The following KEAP1 variants were observed in gnomAD, a reference collection of about 807,000 sequenced individuals.
The protein encoded by KEAP1 is kelch-like ECH-associated protein 1.
A neutral mutation model predicts 59.7 loss-of-function variants in KEAP1; 26 were observed. The ratio of observed to expected loss-of-function variants is 0.44; its 90% CI spans 0.32 to 0.60. The LOEUF is 0.60. Ranked by LOEUF, KEAP1 falls within the 20% of genes least tolerant of loss-of-function variation. KEAP1 has a pLI of 0.06. For missense variants in KEAP1, 539 were observed against 871.4 expected, an observed-to-expected ratio of 0.62 and a Z score of 4.80; for synonymous variants, 350 against 358.3, an observed-to-expected ratio of 0.98 and a Z score of 0.26.
At position 10,489,639 on chromosome 19, in the gene KEAP1, C is replaced by T. The variant is rs764882170; in HGVS notation, c.1531+9G>A. On this transcript the variant is annotated intron_variant, in intron 4 of 5. Transcript: ENST00000171111. ...CCTGGGTGCTCCCCTCCCTACCGTC[C>T]CCACCCACCTGCCCCGCTTCGGATG... The T allele has an allele frequency of 5.0e-6, 8 of 1,613,496 alleles. No individual in the cohort carries two copies. The highest frequency in any genetic ancestry group is 2.2e-5 in the East Asian group (1 of 44,884).
At position 10,500,060 on chromosome 19, in the gene KEAP1, C is replaced by G. The variant is rs1370775302; in HGVS notation, c.-27G>C. 6.5e-7 allele frequency: 1 copy of G among 1,527,462 alleles called. No individual in the cohort carries two copies. Among genetic ancestry groups the G allele is most frequent in the Non-Finnish European group, 8.8e-7 (1 of 1,137,460 alleles). The allele number at this position is 1,527,462 out of a possible 1,614,324, so 94.6% of individuals were successfully genotyped here. On this transcript the variant is annotated 5_prime_UTR_variant, in exon 2 of 6. Coordinates refer to ENST00000171111, the MANE Select transcript of KEAP1 (RefSeq NM_203500.2). ...GGGTTCCAGAAGATAAGCAACACCA[C>G]CACCTCTGGCACTCAGGGACCTGGA...
rs373114525 is a variant in KEAP1 at position 10,486,661 on chromosome 19, A to G, written c.1866T>C (p.Cys622=). 9.3e-6 allele frequency: 15 copies of G among 1,613,888 alleles called. No individual in the cohort carries two copies. Among genetic ancestry groups the G allele is most frequent in the Non-Finnish European group, 1.3e-5 (15 of 1,179,958 alleles). ...AAGAAACAAAAGTGCCTCAACAGGT[A>G]CAGTTCTGCTGGTCAATCTGCTTCC... ...PCRKQIDQQN[C]TC is the part of the protein sequence containing the mutation. The change falls in exon 6 of 6, where the codon TGT becomes TGC. Residue 622 remains cysteine (C), a synonymous_variant. Transcript: ENST00000171111.
Position 10,499,461 on chromosome 19 carries a change from A to C in KEAP1, c.573T>G (p.Ala191=). ...PSNAIGIANF[A]EQIGCVELHQ... Reference sequence around the variant, plus strand: ...GCAACTCCACACAGCCAATCTGCTCAGCGAAGTTGGCGATGCCGATGGCAT... The same window carrying C: ...GCAACTCCACACAGCCAATCTGCTCCGCGAAGTTGGCGATGCCGATGGCAT... The change falls in exon 2 of 6, where the codon GCT becomes GCG. Residue 191 remains alanine (A), a synonymous_variant. Transcript: ENST00000171111. This position sits in a 1 kb window ranked among gnomAD's most constrained non-coding sequence, Gnocchi z 6.7. The C allele has an allele frequency of 1.2e-6, 2 of 1,614,098 alleles. No individual in the cohort carries two copies. Among genetic ancestry groups the C allele is most frequent in the Non-Finnish European group, 1.7e-6 (2 of 1,180,016 alleles).
At position 10,499,661 on chromosome 19, in the gene KEAP1, T is replaced by G; in HGVS notation, c.373A>C (p.Ile125Leu). 6.2e-7 allele frequency: 1 copy of G among 1,614,100 alleles called. No individual in the cohort carries two copies. Among genetic ancestry groups the G allele is most frequent in the Non-Finnish European group, 8.5e-7 (1 of 1,180,028 alleles). Residue 125 changes from isoleucine to leucine, a missense_variant, in exon 2 of 6, where the codon ATT (isoleucine) becomes CTT (leucine). Around this residue, in one of 4 missense-constraint regions of KEAP1, gnomAD observed 166 missense variants for 295.8 expected, o/e 0.56. Coordinates refer to ENST00000171111, the MANE Select transcript of KEAP1 (RefSeq NM_203500.2). The surrounding 1 kb of genome is among the most constrained non-coding windows in gnomAD (Gnocchi z 6.7). ...LREQGMEVVS[I>L]EGIHPKVMER... ...ATGACCTTGGGGTGGATACCCTCAA[T>G]GGACACCACCTCCATGCCCTGCTCC...
At chr19:10,489,522 C>T (rs1003409543) in intron 4 of KEAP1, 126 bp downstream of exon 4, 1 of 1,289,130 alleles carries the variant, frequency 7.8e-7, no homozygotes, top group Non-Finnish European at 1.1e-6. Flanking sequence ...TATCAGAATC[C>T]AGGGCTTCTG....
At chr19:10,489,114 A>C in intron 5 of KEAP1, 78 bp downstream of exon 5, 1 of 1,126,484 alleles carries the variant, frequency 8.9e-7, no homozygotes, top group East Asian at 2.6e-5. Flanking sequence ...AAAAAAAAAA[A>C]AAAAAAGGAA....
intron 2 of KEAP1, among the ~76,000 whole-genome samples, chr19:10,496,231 C>G (rs1914843032): frequency 6.6e-6 from 1 of 150,468 alleles, no homozygotes; most frequent in South Asian, 2.1e-4. Flanking sequence ...TGCGGTGGCT[C>G]ACACACGTAA....
intron 5 of KEAP1, 72 bp downstream of exon 5, chr19:10,489,120 A>AATT: frequency 2.2e-6 from 2 of 920,616 alleles, no homozygotes; most frequent in Non-Finnish European, 3.1e-6. Flanking sequence ...AAAAAAAAAA[A>AATT]GGAAAGCAAA....
intron 2 of KEAP1, among the ~76,000 whole-genome samples, chr19:10,494,115 T>C (rs1425493423): frequency 6.6e-6 from 1 of 151,868 alleles, no homozygotes; most frequent in African/African-American, 2.4e-5. Context: ...CTAATTTTCA[T>C]ATTTTTATGG....
At position 10,491,764 on chromosome 19, in the gene KEAP1, T is replaced by C; in HGVS notation, c.1138A>G (p.Arg380Gly). The change falls in exon 3 of 6, where the codon AGG (arginine) becomes GGG (glycine). Residue 380 changes from arginine to glycine, a missense_variant. Transcript: ENST00000171111. The surrounding 1 kb of genome is among the most constrained non-coding windows in gnomAD (Gnocchi z 5.2). ...GTGTTGCCGTCGGGCGAGTTGTTCC[T>C]GCCGCCCACGGCGTACAACAGCCCG... The part of the protein sequence containing the change: ...VGGLLYAVGG[R>G]NNSPDGNTDS... The C allele has an allele frequency of 6.4e-7, 1 of 1,571,556 alleles. No homozygotes were observed. The highest frequency in any genetic ancestry group is 8.6e-7 in the Non-Finnish European group (1 of 1,157,958).
At position 10,491,560 on chromosome 19, in the gene KEAP1, C is replaced by T. The variant is rs1914667962; in HGVS notation, c.1325+17G>A. On this transcript the variant is annotated intron_variant, in intron 3 of 5. Coordinates refer to ENST00000171111, the MANE Select transcript of KEAP1 (RefSeq NM_203500.2). The surrounding 1 kb of genome is among the most constrained non-coding windows in gnomAD (Gnocchi z 5.2). ...GAGCAGGACCCTCCGAGCCCACCCC[C>T]AGGCCCTGCCACTCACCTCTCCACA... The T allele has an allele frequency of 1.3e-6, 2 of 1,499,734 alleles. No homozygotes were observed. The highest frequency in any genetic ancestry group is 1.8e-6 in the Non-Finnish European group (2 of 1,124,986). 92.9% of individuals were successfully genotyped at this position (1,499,734 alleles called of 1,614,324 possible).
At chr19:10,500,647 T>C (rs73512834) in intron 1 of KEAP1, among the ~76,000 whole-genome samples, 3,561 of 151,266 alleles carry the variant, frequency 0.024, 150 homozygotes, top group African/African-American at 0.082. Flanking sequence ...ACAACAGCAT[T>C]GTGACAACGT....
In KEAP1 at chr19:10,499,951, C is replaced by T. The variant is rs1271014988; in HGVS notation, c.83G>A (p.Gly28Glu). The change falls in exon 2 of 6, where the codon GGG (glycine) becomes GAG (glutamate). Residue 28 changes from glycine (G) to glutamate (E), a missense_variant. Around this residue, in one of 4 missense-constraint regions of KEAP1, gnomAD observed 166 missense variants for 295.8 expected, o/e 0.56. Coordinates refer to ENST00000171111, the MANE Select transcript of KEAP1 (RefSeq NM_203500.2). This position sits in a 1 kb window ranked among gnomAD's most constrained non-coding sequence, Gnocchi z 6.7. ...PLQSQCPEGA[G>E]DAVMYASTEC... The stretch of plus-strand genomic sequence containing the variant: ...AGTGGAGGCGTACATCACCGCGTCC[C>T]CTGCCCCCTCAGGGCACTGTGACTG... The T allele has an allele frequency of 6.2e-7, 1 of 1,606,970 alleles. No homozygotes were observed. The highest frequency in any genetic ancestry group is 1.3e-5 in the African/African-American group (1 of 74,806).
rs1358430345 is a variant in KEAP1, at chr19:10,486,762, C to T, written c.1765G>A (p.Asp589Asn). 3.1e-6 allele frequency: 5 copies of T among 1,613,998 alleles called. No homozygotes were observed. In the African/African-American group the frequency reaches 6.7e-5, roughly 22 times the overall value. The change falls in exon 6 of 6, where the codon GAC becomes AAC. Residue 589 changes from aspartate (D) to asparagine (N), a missense_variant. Asp to Asn is a conservative substitution (Grantham distance 23). Around this residue, in one of 4 missense-constraint regions of KEAP1, gnomAD observed 311 missense variants for 425.2 expected, o/e 0.73. Transcript: ENST00000171111. ...DSVECYDPDT[D>N]TWSEVTRMTS... ...ATTCGGGTCACCTCGCTCCAGGTGT[C>T]TGTATCTGGGTCGTAACACTCCACA...
At chr19:10,486,962 T>C in intron 5 of KEAP1, 144 bp from the exon 6 acceptor site, 1 of 739,384 alleles carries the variant, frequency 1.4e-6, no homozygotes, top group Non-Finnish European at 2.0e-6. Context: ...TTTGCAGGGC[T>C]GAGGCAGGAG....
At position 10,489,341 on chromosome 19, in the gene KEAP1, T is replaced by C. The variant is rs753646735; in HGVS notation, c.1559A>G (p.Tyr520Cys). 1.4e-5 allele frequency: 22 copies of C among 1,613,806 alleles called. No homozygotes were observed. The highest frequency in any genetic ancestry group is 1.8e-5 in the Non-Finnish European group (21 of 1,179,932). ...AGVCVLHNCIYAAGGYDGQDQ... is the reference protein window; with the variant it reads ...AGVCVLHNCICAAGGYDGQDQ... ...CTGACCATCATAGCCCCCAGCAGCA[T>C]AGATACAGTTGTGCAGGACGCAGAC... The change falls in exon 5 of 6, where the codon TAT (tyrosine) becomes TGT (cysteine). Residue 520 changes from tyrosine (Y) to cysteine (C), a missense_variant. Coordinates refer to ENST00000171111, the MANE Select transcript of KEAP1 (RefSeq NM_203500.2).
At chr19:10,487,571 G>A (rs1914508167) in intron 5 of KEAP1, among the ~76,000 whole-genome samples, 1 of 151,872 alleles carries the variant, frequency 6.6e-6, no homozygotes. Flanking sequence ...TAGGAGAATC[G>A]CTTGAACCCG....
rs540378628 is a variant in KEAP1 at position 10,491,569 on chromosome 19, C to T, written c.1325+8G>A. Reference sequence around the variant, plus strand: ...CCTCCGAGCCCACCCCCAGGCCCTGCCACTCACCTCTCCACACTGTTGTGG... The same window carrying T: ...CCTCCGAGCCCACCCCCAGGCCCTGTCACTCACCTCTCCACACTGTTGTGG... On this transcript the variant is annotated splice_region_variant and intron_variant, in intron 3 of 5. Transcript: ENST00000171111. The surrounding 1 kb of genome is among the most constrained non-coding windows in gnomAD (Gnocchi z 5.2). The T allele has an allele frequency of 1.3e-5, 20 of 1,507,468 alleles. No homozygotes were observed. The highest frequency in any genetic ancestry group is 2.3e-5 in the East Asian group (1 of 43,054). 93.4% of individuals were successfully genotyped at this position (1,507,468 alleles called of 1,614,324 possible). A position where few individuals can be genotyped will look rare whatever the true frequency, so the allele number is the denominator to read the frequency against.
At chr19:10,498,189 C>G (rs1032098840) in intron 2 of KEAP1, among the ~76,000 whole-genome samples, 1 of 142,240 alleles carries the variant, frequency 7.0e-6, no homozygotes, top group African/African-American at 2.6e-5. Flanking sequence ...CATGAGCCAC[C>G]GCGCCCAGGC....
Sources: allele counts gnomAD v4.1 joint callset (sites outside exome capture counted in the v4.1 genomes callset), GRCh38; gene constraint gnomAD v4.1.1; regional missense constraint gnomAD v4.1.1; non-coding constraint Gnocchi (gnomAD v3.1); transcripts MANE v1.5; gene names NCBI Gene and HGNC (gene_info 2026-07-23, HGNC 2026-07-21).